The following KIF17 variants were observed in gnomAD, a reference collection of about 807,000 sequenced individuals.
KIF17 encodes the protein kinesin family member 17, also known as kinesin-like protein KIF17.
KIF17 carries 80 observed loss-of-function variants against 96.8 expected under a neutral mutation model. The ratio of observed to expected loss-of-function variants is 0.83; its 90% CI spans 0.69 to 1.00. The LOEUF (loss-of-function observed/expected upper bound fraction) is 1.00. Ranked by LOEUF, KIF17 falls within the 50% of genes least tolerant of loss-of-function variation. KIF17 has a pLI of 0.00. For synonymous variants in KIF17, 567 were observed against 587.5 expected, an observed-to-expected ratio of 0.97 and a Z score of 0.51; for missense variants, 1,280 against 1,372.9, an observed-to-expected ratio of 0.93 and a Z score of 1.07.
rs183234193 is a variant in KIF17 at position 20,700,676 on chromosome 1, C to T, written c.1124-2188G>A. On this transcript the variant is annotated intron_variant, in intron 5 of 14. Transcript: ENST00000400463. This position sits in a 1 kb window ranked among gnomAD's most constrained non-coding sequence, Gnocchi z 4.6. The stretch of plus-strand genomic sequence containing the variant: ...CTTTATGTTCTATTATCTTGAGGGA[C>T]TTGCTGGGCAGGGTTAGACTGCCCT... Among the ~76,000 whole-genome samples, 380 of 152,330 alleles carry T rather than the reference C, an allele frequency of 2.5e-3. No individual in the cohort carries two copies. Among genetic ancestry groups the T allele is most frequent in the African/African-American group, 8.7e-3 (361 of 41,560 alleles).
At chr1:20,691,898 A>G (rs1375475377) in intron 6 of KIF17, among the ~76,000 whole-genome samples, 1 of 152,200 alleles carries the variant, frequency 6.6e-6, no homozygotes, top group African/African-American at 2.4e-5. Flanking sequence ...TCCTCAACCC[A>G]TCAATGACAA....
At chr1:20,713,364 C>G (rs377062007) in intron 3 of KIF17, 90 bp downstream of exon 3, 3 of 978,686 alleles carry the variant, frequency 3.1e-6, no homozygotes, top group African/African-American at 1.6e-5. Context: ...CCGGCACCCT[C>G]AGGACACTTT....
chr1:20,671,861 C>A, intron 12 of KIF17, 77 bp downstream of exon 12: 1 of 1,546,320 alleles, frequency 6.5e-7, no homozygotes, highest in Non-Finnish European at 8.8e-7. Context: ...AAGGAGAGGC[C>A]CACACTCCCT....
intron 5 of KIF17, among the ~76,000 whole-genome samples, chr1:20,702,806 T>C (rs962458119): frequency 2.0e-5 from 3 of 152,208 alleles, no homozygotes; most frequent in African/African-American, 7.2e-5. Flanking sequence ...CATGCACTCC[T>C]CTCTGCCCTG....
At chr1:20,703,750 A>G (rs891167079) in intron 5 of KIF17, among the ~76,000 whole-genome samples, 3 of 152,082 alleles carry the variant, frequency 2.0e-5, no homozygotes, top group Non-Finnish European at 4.4e-5. Context: ...GGACAGACAG[A>G]CCCAAGTATT....
At chr1:20,703,182 G>GATGAATGGATGAATGGATGA (rs562812936) in intron 5 of KIF17, among the ~76,000 whole-genome samples, 1 of 151,714 alleles carries the variant, frequency 6.6e-6, no homozygotes, top group Non-Finnish European at 1.5e-5. Context: ...TGGATGAATG[G>GATGAATGGATGAATGGATGA]ATGGACGGAT....
chr1:20,713,531 C>A lies in KIF17; in HGVS notation c.403G>T (p.Val135Phe). ...VQCAENTKFLVRASYLEIYNE... is the reference protein window; with the variant it reads ...VQCAENTKFLFRASYLEIYNE... ...TAGATCTCCAGGTAGGAGGCCCGGA[C>A]CAGGAACTTAGTGTTCTCTGCACAC... The change falls in exon 3 of 15, where the codon GTC becomes TTC. Residue 135 changes from valine to phenylalanine, a missense_variant. Val to Phe is a conservative substitution (Grantham distance 50). Transcript: ENST00000400463. 1 of 1,612,366 alleles carries A rather than the reference C, an allele frequency of 6.2e-7. No individual in the cohort carries two copies. Among genetic ancestry groups the A allele is most frequent in the Non-Finnish European group, 8.5e-7 (1 of 1,179,564 alleles).
chr1:20,703,199 G>A (rs1010050050), intron 5 of KIF17, among the ~76,000 whole-genome samples: 1 of 127,728 alleles, frequency 7.8e-6, no homozygotes, highest in Non-Finnish European at 1.6e-5. Context: ...GGATGGATGG[G>A]AGATGGAAGG....
intron 12 of KIF17, 117 bp from the exon 13 acceptor site, chr1:20,670,605 C>A: frequency 1.1e-6 from 1 of 902,572 alleles, no homozygotes; most frequent in Non-Finnish European, 1.8e-6. Flanking sequence ...GGACACTTCC[C>A]AGCCCAAGCC....
chr1:20,677,979 G>A (rs685071), intron 11 of KIF17, among the ~76,000 whole-genome samples: 4,116 of 152,358 alleles, frequency 0.027, 197 homozygotes, highest in African/African-American at 0.094. Flanking sequence ...ATCTAAGAAA[G>A]AGATGGCACG....
intron 3 of KIF17, among the ~76,000 whole-genome samples, chr1:20,710,805 G>A (rs1302048087): frequency 6.6e-6 from 1 of 152,200 alleles, no homozygotes; most frequent in Non-Finnish European, 1.5e-5. Flanking sequence ...AAGGGACTGG[G>A]CTTCATGGAA....
At chr1:20,689,252 T>C (rs2053994185) in intron 7 of KIF17, among the ~76,000 whole-genome samples, 1 of 152,150 alleles carries the variant, frequency 6.6e-6, no homozygotes, top group South Asian at 2.1e-4. Flanking sequence ...ATTCCAGGCC[T>C]GGATTCTACA....
intron 8 of KIF17, chr1:20,686,348 T>C: frequency 4.9e-6 from 3 of 607,646 alleles, no homozygotes; most frequent in Non-Finnish European, 9.0e-6. Flanking sequence ...GGGCACCTGC[T>C]GTGTGCCAGG....
At chr1:20,695,028 A>G (rs1425539797) in intron 6 of KIF17, among the ~76,000 whole-genome samples, 2 of 152,236 alleles carry the variant, frequency 1.3e-5, no homozygotes, top group East Asian at 1.9e-4. Flanking sequence ...GCAGGCACAC[A>G]CATGCAGGCA....
intron 2 of KIF17, 36 bp downstream of exon 2, chr1:20,715,457 C>T (rs767832496): frequency 5.0e-6 from 8 of 1,606,678 alleles, no homozygotes. Context: ...CCAGCTGCAG[C>T]TCTGGCCCTG....
chr1:20,677,853 C>G (rs111658689), intron 11 of KIF17, among the ~76,000 whole-genome samples: 2,079 of 152,310 alleles, frequency 0.014, 53 homozygotes, highest in African/African-American at 0.047. Flanking sequence ...GAGACTCCGT[C>G]TCAAAAACAG....
chr1:20,669,730 G>A (rs2053604201), intron 13 of KIF17, among the ~76,000 whole-genome samples: 2 of 148,148 alleles, frequency 1.3e-5, no homozygotes, highest in South Asian at 4.2e-4. Flanking sequence ...AAATTAGCTG[G>A]GCATGGTGGT....
At chr1:20,673,165 G>A (rs1295786834) in intron 11 of KIF17, 1 of 152,018 alleles carries the variant, frequency 6.6e-6, no homozygotes, top group Non-Finnish European at 1.5e-5. Flanking sequence ...TGAAGGTGAA[G>A]ATCACACCAG....
chr1:20,685,315 G>C lies in KIF17; in HGVS notation c.2020-295C>G. 3.4e-6 allele frequency: 2 copies of C among 587,654 alleles called. No homozygotes were observed. Among genetic ancestry groups the C allele is most frequent in the Admixed American group, 2.2e-5 (1 of 45,584 alleles). 36.4% of individuals were successfully genotyped at this position (587,654 alleles called of 1,614,324 possible). A position where few individuals can be genotyped will look rare whatever the true frequency, so the allele number is the denominator to read the frequency against. On this transcript the variant is annotated intron_variant, in intron 9 of 14. Transcript: ENST00000400463. This position sits in a 1 kb window ranked among gnomAD's most constrained non-coding sequence, Gnocchi z 4.1. ...TTAAAATAGAAACCGATCACATCCC[G>C]TTCCCGATGAGCCCCATGTGACTTC...
Sources: allele counts gnomAD v4.1 joint callset (sites outside exome capture counted in the v4.1 genomes callset), GRCh38; gene constraint gnomAD v4.1.1; non-coding constraint Gnocchi (gnomAD v3.1); transcripts MANE v1.5; gene names NCBI Gene and HGNC (gene_info 2026-07-23, HGNC 2026-07-21).